Variants in WDR59 observed in about 807,000 individuals in gnomAD.
WDR59 encodes GATOR2 complex protein WDR59.
Under a neutral mutation model 131.2 loss-of-function variants are expected in WDR59, and 100 were observed. The observed-to-expected ratio is 0.76, with a 90% CI of 0.65 to 0.90. WDR59 has a LOEUF of 0.90. Among genes scored for constraint, WDR59 ranks in the 40% least tolerant of loss-of-function variants. WDR59 has a pLI of 0.00. For synonymous variants in WDR59, 601 were observed against 466.2 expected, an observed-to-expected ratio of 1.29 and a Z score of -3.72; for missense variants, 1,203 against 1,262.2, an observed-to-expected ratio of 0.95 and a Z score of 0.71.
chr16:74,874,449 A>C lies in WDR59; in HGVS notation c.2690-5T>G, dbSNP rs1053151099. ...GGCTGCAGTACACGCCGAACTCTGG[A>C]AATGGGCAGGGACGGGCAAAACAAG... On this transcript the variant is annotated splice_region_variant and splice_polypyrimidine_tract_variant and intron_variant, in intron 25 of 25. Coordinates refer to ENST00000262144, the MANE Select transcript of WDR59 (RefSeq NM_030581.4). The C allele has an allele frequency of 6.2e-7, 1 of 1,613,442 alleles. No individual in the cohort carries two copies. Among genetic ancestry groups the C allele is most frequent in the African/African-American group, 1.3e-5 (1 of 74,928 alleles).
chr16:74,973,156 G>A (rs1230900325), intron 1 of WDR59, among the ~76,000 whole-genome samples: 2 of 152,054 alleles, frequency 1.3e-5, no homozygotes, highest in East Asian at 1.9e-4. Context: ...CAGGAGAATC[G>A]CTTGAACCCG....
intron 13 of WDR59, among the ~76,000 whole-genome samples, chr16:74,915,160 G>A (rs535731839): frequency 6.6e-6 from 1 of 152,204 alleles, no homozygotes; most frequent in African/African-American, 2.4e-5. Context: ...GCACAGCACA[G>A]CACAGCACAG....
intron 1 of WDR59, among the ~76,000 whole-genome samples, chr16:74,972,905 G>A (rs1385573019): frequency 1.4e-5 from 2 of 146,696 alleles, no homozygotes; most frequent in South Asian, 2.2e-4. Flanking sequence ...AAAAGGGTCC[G>A]ACCATTTCAG....
intron 17 of WDR59, among the ~76,000 whole-genome samples, chr16:74,906,139 A>C (rs1353882992): frequency 6.6e-6 from 1 of 151,156 alleles, no homozygotes. Flanking sequence ...ACGGTGAAAC[A>C]TGGTCTCTAC....
At chr16:74,909,988 G>C (rs1187205803) in intron 14 of WDR59, 71 bp from the exon 15 acceptor site, 7 of 1,241,228 alleles carry the variant, frequency 5.6e-6, no homozygotes, top group South Asian at 1.5e-5. Context: ...TTTTTTTTGA[G>C]ACAAAGTCTC....
rs542707717 is a variant in WDR59 at position 74,877,567 on chromosome 16, G to A, written c.2690-3123C>T. 1.6e-4 allele frequency among the ~76,000 whole-genome samples: 24 copies of A among 152,096 alleles called. No individual in the cohort carries two copies. In the South Asian group the frequency reaches 1.7e-3, roughly 11 times the overall value. ...GATTTTTATTTATTTATTTTGAAAC[G>A]AAGTCTCGCTCTTGTCACCCAGGCT... On this transcript the variant is annotated intron_variant, in intron 25 of 25. Transcript: ENST00000262144.
intron 20 of WDR59, among the ~76,000 whole-genome samples, chr16:74,890,405 C>CCT (rs1723551574): frequency 6.6e-6 from 1 of 152,174 alleles, no homozygotes; most frequent in Non-Finnish European, 1.5e-5. Context: ...CCTGCCTCAG[C>CCT]CCCAAAAAGT....
chr16:74,958,882 G>A (rs59045361), intron 2 of WDR59, among the ~76,000 whole-genome samples: 3,382 of 151,856 alleles, frequency 0.022, 130 homozygotes, highest in African/African-American at 0.076. Flanking sequence ...GACCAACATG[G>A]AGAAACCCCT....
At chr16:74,962,383 C>T (rs28893207) in intron 2 of WDR59, among the ~76,000 whole-genome samples, 14,964 of 152,028 alleles carry the variant, frequency 0.098, 883 homozygotes, top group Admixed American at 0.14. Flanking sequence ...GGAGGTATGG[C>T]CATTTTCACG....
intron 3 of WDR59, among the ~76,000 whole-genome samples, chr16:74,953,679 T>C (rs1218275039): frequency 2.6e-5 from 4 of 151,782 alleles, no homozygotes; most frequent in Non-Finnish European, 5.9e-5. Flanking sequence ...AACTCAACAG[T>C]AAAAATGCAA....
At chr16:74,973,230 A>C (rs1038656694) in intron 1 of WDR59, among the ~76,000 whole-genome samples, 1 of 152,148 alleles carries the variant, frequency 6.6e-6, no homozygotes, top group Non-Finnish European at 1.5e-5. Context: ...AACAAGAGCA[A>C]AACTCTGTCT....
intron 21 of WDR59, among the ~76,000 whole-genome samples, chr16:74,888,939 G>A (rs1964906523): frequency 6.6e-6 from 1 of 152,222 alleles, no homozygotes; most frequent in African/African-American, 2.4e-5. Flanking sequence ...TTGCCTTTAA[G>A]AATGAATAAT....
chr16:74,890,770 C>T (rs990457347), intron 20 of WDR59, among the ~76,000 whole-genome samples: 1 of 152,172 alleles, frequency 6.6e-6, no homozygotes, highest in Non-Finnish European at 1.5e-5. Flanking sequence ...GTCCAAGGCA[C>T]AGGCTAAACC....
chr16:74,926,554 G>A (rs943356643), intron 8 of WDR59, among the ~76,000 whole-genome samples: 5 of 152,166 alleles, frequency 3.3e-5, no homozygotes, highest in African/African-American at 7.2e-5. Flanking sequence ...CTTTTCTGTA[G>A]AAGGGGATGA....
intron 8 of WDR59, among the ~76,000 whole-genome samples, chr16:74,927,460 C>T (rs966788492): frequency 1.3e-5 from 2 of 151,790 alleles, no homozygotes; most frequent in African/African-American, 2.4e-5. Context: ...TGGTGGCACA[C>T]GCCTGGAGTC....
intron 25 of WDR59, among the ~76,000 whole-genome samples, chr16:74,875,892 A>G (rs1046584442): frequency 6.6e-6 from 1 of 152,092 alleles, no homozygotes; most frequent in African/African-American, 2.4e-5. Context: ...TCACCAACGG[A>G]CACAACACCT....
intron 1 of WDR59, among the ~76,000 whole-genome samples, chr16:74,977,497 A>G (rs908029723): frequency 6.6e-6 from 1 of 151,690 alleles, no homozygotes; most frequent in African/African-American, 2.4e-5. Context: ...GACCATCCTG[A>G]CTAACACGGT....
At chr16:74,880,478 T>C (rs1289793699) in intron 25 of WDR59, among the ~76,000 whole-genome samples, 2 of 152,014 alleles carry the variant, frequency 1.3e-5, no homozygotes, top group Non-Finnish European at 2.9e-5. Context: ...ATTAAAAAAA[T>C]AAGTTAGGTA....
chr16:74,902,273 G>A (rs976534030), intron 18 of WDR59, among the ~76,000 whole-genome samples: 1 of 151,902 alleles, frequency 6.6e-6, no homozygotes, highest in African/African-American at 2.4e-5. Flanking sequence ...TGTCTATTAC[G>A]GGGCTCGAAC....
Sources: allele counts gnomAD v4.1 joint callset (sites outside exome capture counted in the v4.1 genomes callset), GRCh38; gene constraint gnomAD v4.1.1; transcripts MANE v1.5; gene names NCBI Gene and HGNC (gene_info 2026-07-23, HGNC 2026-07-21).